Variants in ZNF407 observed in about 807,000 individuals in gnomAD.
The protein encoded by ZNF407 is zinc finger protein 407.
ZNF407 carries 17 observed loss-of-function variants against 131.2 expected under a neutral mutation model. The ratio of observed to expected loss-of-function variants is 0.13; its 90% confidence interval spans 0.09 to 0.19. The LOEUF (loss-of-function observed/expected upper bound fraction) is 0.19. Ranked by LOEUF, ZNF407 falls within the 10% of genes least tolerant of loss-of-function variation. The pLI is 1.00. For missense variants in ZNF407, 2,681 were observed against 2,830.6 expected, an observed-to-expected ratio of 0.95 and a Z score of 1.20; for synonymous variants, 1,156 against 1,062.0, an observed-to-expected ratio of 1.09 and a Z score of -1.72.
At chr18:74,686,289 A>G (rs1352263038) in intron 3 of ZNF407, among the ~76,000 whole-genome samples, 1 of 152,182 alleles carries the variant, frequency 6.6e-6, no homozygotes, top group Non-Finnish European at 1.5e-5. Context: ...AACCAAAACT[A>G]TTGTCATATT....
At chr18:74,744,637 T>C (rs942311062) in intron 3 of ZNF407, among the ~76,000 whole-genome samples, 1 of 152,038 alleles carries the variant, frequency 6.6e-6, no homozygotes, top group Non-Finnish European at 1.5e-5. Flanking sequence ...ATTTAGCACA[T>C]AGATTTTTGC....
At chr18:74,707,106 A>G (rs1967645298) in intron 3 of ZNF407, among the ~76,000 whole-genome samples, 2 of 152,076 alleles carry the variant, frequency 1.3e-5, no homozygotes, top group Admixed American at 1.3e-4. Flanking sequence ...ATACGATACC[A>G]TGCCTGGCTA....
chr18:74,859,060 G>A (rs920724457), intron 4 of ZNF407, among the ~76,000 whole-genome samples: 4 of 152,056 alleles, frequency 2.6e-5, no homozygotes, highest in Admixed American at 6.5e-5. Flanking sequence ...ATTGTACTCC[G>A]CAGTGTACGG....
intron 1 of ZNF407, among the ~76,000 whole-genome samples, chr18:74,618,323 TCTC>T (rs1372884123): frequency 2.6e-5 from 4 of 152,292 alleles, no homozygotes; most frequent in Non-Finnish European, 5.9e-5. Context: ...AAGACCAAGT[TCTC>T]CATGCCGGGT....
intron 3 of ZNF407, among the ~76,000 whole-genome samples, chr18:74,696,191 G>C (rs1967351557): frequency 6.6e-6 from 1 of 152,184 alleles, no homozygotes; most frequent in African/African-American, 2.4e-5. Context: ...CTGTTGGAGT[G>C]GTGATGAGAA....
intron 1 of ZNF407, among the ~76,000 whole-genome samples, chr18:74,604,528 C>A (rs901536366): frequency 6.6e-6 from 1 of 152,214 alleles, no homozygotes; most frequent in Non-Finnish European, 1.5e-5. Flanking sequence ...GCTGTGCAGA[C>A]ACTGTCTTTC....
At chr18:74,832,247 T>C (rs2145119337) in intron 4 of ZNF407, among the ~76,000 whole-genome samples, 1 of 152,306 alleles carries the variant, frequency 6.6e-6, no homozygotes, top group African/African-American at 2.4e-5. Flanking sequence ...TTTGAACTCA[T>C]GTTTTTCTGA....
chr18:74,767,131 C>T (rs1411661150), intron 3 of ZNF407, among the ~76,000 whole-genome samples: 2 of 152,082 alleles, frequency 1.3e-5, no homozygotes, highest in African/African-American at 2.4e-5. Flanking sequence ...AGGCTGGCCT[C>T]GATCTCCTGA....
intron 7 of ZNF407, among the ~76,000 whole-genome samples, chr18:74,915,644 A>ATGTG (rs1158997103): frequency 1.6e-5 from 1 of 63,896 alleles, no homozygotes; most frequent in Non-Finnish European, 2.9e-5. Context: ...GTGTGCGTGC[A>ATGTG]TGTGTGTGCT....
intron 3 of ZNF407, among the ~76,000 whole-genome samples, chr18:74,719,396 TAC>T (rs1967973082): frequency 6.6e-6 from 1 of 151,994 alleles, no homozygotes; most frequent in East Asian, 1.9e-4. Flanking sequence ...CTTACTTACT[TAC>T]TTACTTACTT....
intron 3 of ZNF407, among the ~76,000 whole-genome samples, chr18:74,743,940 T>C (rs1314992854): frequency 1.3e-5 from 2 of 152,140 alleles, no homozygotes; most frequent in Non-Finnish European, 2.9e-5. Flanking sequence ...TGCCTCAAAA[T>C]GGATGGTCTC....
intron 8 of ZNF407, among the ~76,000 whole-genome samples, chr18:75,034,010 A>G (rs1973275886): frequency 6.6e-6 from 1 of 152,214 alleles, no homozygotes; most frequent in Admixed American, 6.5e-5. Flanking sequence ...TGACTAGTCA[A>G]GTCGTATTTT....
chr18:75,028,199 A>G (rs1407500229), intron 8 of ZNF407, among the ~76,000 whole-genome samples: 1 of 152,236 alleles, frequency 6.6e-6, no homozygotes, highest in Non-Finnish European at 1.5e-5. Flanking sequence ...TGCCGTAACA[A>G]AGCACCATGG....
rs372696365 is a variant in ZNF407 at position 74,804,000 on chromosome 18, A to G, written c.4877+22498A>G. 4.5e-6 allele frequency: 7 copies of G among 1,551,856 alleles called. No individual in the cohort carries two copies. In the South Asian group the frequency reaches 5.9e-5, roughly 13 times the overall value. Reference sequence around the variant, plus strand: ...CATATCGAAAGATCGGGACGTTGCCAGGAATACAGAACAACAGGAACGCGT... The same window carrying G: ...CATATCGAAAGATCGGGACGTTGCCGGGAATACAGAACAACAGGAACGCGT... On this transcript the variant is annotated intron_variant, in intron 4 of 8. Transcript: ENST00000299687.
At chr18:74,919,142 CG>C (rs1160825707) in intron 7 of ZNF407, among the ~76,000 whole-genome samples, 1 of 152,124 alleles carries the variant, frequency 6.6e-6, no homozygotes, top group Non-Finnish European at 1.5e-5. Flanking sequence ...AATTCTGCCT[CG>C]CTTGGACGAT....
At chr18:74,744,023 C>A (rs533270829) in intron 3 of ZNF407, among the ~76,000 whole-genome samples, 1 of 152,042 alleles carries the variant, frequency 6.6e-6, no homozygotes, top group South Asian at 2.1e-4. Context: ...TCTCATGGGA[C>A]CTTTTGATTA....
At chr18:75,056,937 A>G (rs1440088687) in intron 8 of ZNF407, among the ~76,000 whole-genome samples, 1 of 152,208 alleles carries the variant, frequency 6.6e-6, no homozygotes, top group African/African-American at 2.4e-5. Flanking sequence ...TTTAATAGAC[A>G]TTAAGTATGA....
intron 8 of ZNF407, among the ~76,000 whole-genome samples, chr18:75,030,657 G>A (rs1381606793): frequency 6.6e-6 from 1 of 152,188 alleles, no homozygotes; most frequent in Non-Finnish European, 1.5e-5. Flanking sequence ...GGCTCGGCTG[G>A]AAGTAGTGGC....
At chr18:74,803,041 A>T (rs1464834160) in intron 4 of ZNF407, among the ~76,000 whole-genome samples, 1 of 151,946 alleles carries the variant, frequency 6.6e-6, no homozygotes, top group African/African-American at 2.4e-5. Flanking sequence ...TTCTTTTTTT[A>T]AATAATTATA....
Sources: gnomAD v4.1 joint callset for allele counts (sites outside exome capture counted in the v4.1 genomes callset) on GRCh38, gnomAD v4.1.1 for gene constraint, MANE v1.5 for transcripts, NCBI Gene and HGNC (gene_info 2026-07-23, HGNC 2026-07-21) for gene names.